DTNBP1: variants seen among roughly 807,000 people sequenced by gnomAD.
DTNBP1 encodes dysbindin.
DTNBP1 carries 35 observed loss-of-function variants against 42.8 expected under a neutral mutation model. The ratio of observed to expected loss-of-function variants is 0.82; its 90% CI spans 0.63 to 1.09. The LOEUF (loss-of-function observed/expected upper bound fraction) is 1.09. Ranked by LOEUF, DTNBP1 falls within the 50% of genes least tolerant of loss-of-function variation. The pLI is 0.00. For synonymous variants in DTNBP1, 171 were observed against 162.2 expected, an observed-to-expected ratio of 1.05 and a Z score of -0.41; for missense variants, 457 against 424.2, an observed-to-expected ratio of 1.08 and a Z score of -0.68.
At chr6:15,645,529 A>G (rs1390961058) in intron 3 of DTNBP1, among the ~76,000 whole-genome samples, 1 of 152,130 alleles carries the variant, frequency 6.6e-6, no homozygotes, top group East Asian at 1.9e-4. Context: ...CATAGACACA[A>G]AAATCCTCAA....
chr6:15,587,014 G>A lies in DTNBP1; in HGVS notation c.511+6045C>T, dbSNP rs1004027276. Reference sequence around the variant, plus strand: ...TTCTGCCCTGTTGTTTGTGGGCAACGTCATCCAAACCCCGGGCTTCCATTC... The same window carrying A: ...TTCTGCCCTGTTGTTTGTGGGCAACATCATCCAAACCCCGGGCTTCCATTC... On this transcript the variant is annotated intron_variant, in intron 7 of 9. Coordinates refer to ENST00000344537, the MANE Select transcript of DTNBP1 (RefSeq NM_032122.5). This position sits in a 1 kb window ranked among gnomAD's most constrained non-coding sequence, Gnocchi z 4.1. Among the ~76,000 whole-genome samples the A allele has an allele frequency of 1.1e-4, 16 of 152,086 alleles. No homozygotes were observed. Among genetic ancestry groups the A allele is most frequent in the African/African-American group, 2.7e-4 (11 of 41,482 alleles).
intron 1 of DTNBP1, among the ~76,000 whole-genome samples, chr6:15,655,808 T>C (rs1288060358): frequency 6.6e-6 from 1 of 152,170 alleles, no homozygotes; most frequent in African/African-American, 2.4e-5. Flanking sequence ...AGGTATTTTC[T>C]AAAATAACAT....
At position 15,627,461 on chromosome 6, in the gene DTNBP1, C is replaced by T. The variant is rs768475925; in HGVS notation, c.237G>A (p.Glu79=). The part of the protein sequence containing the change: ...CASAGELVDS[E]VVMLSAHWEK... ...CCCAGTGCGCAGAAAGCATGACCAC[C>T]TCGCTATCCACCAGCTGCAGCACAC... Residue 79 remains glutamate (E), a synonymous_variant, in exon 5 of 10, where the codon GAG becomes GAA. Coordinates refer to ENST00000344537, the MANE Select transcript of DTNBP1 (RefSeq NM_032122.5). 10 of 1,613,950 alleles carry T rather than the reference C, an allele frequency of 6.2e-6. No individual in the cohort carries two copies. The highest frequency in any genetic ancestry group is 3.3e-4 in the Middle Eastern group (2 of 6,058).
In DTNBP1 at chr6:15,633,096, A is replaced by G. The variant is rs193259008; in HGVS notation, c.222+4648T>C. 9.3e-4 allele frequency among the ~76,000 whole-genome samples: 142 copies of G among 152,366 alleles called. 1 individual carries two copies. The East Asian group carries it at 0.019, about 20-fold the overall frequency. Reference sequence around the variant, plus strand: ...GTCTACACACTGAGGCTGTATGAACAGAGTATCGACAGCTAATATGCATGG... The same window carrying G: ...GTCTACACACTGAGGCTGTATGAACGGAGTATCGACAGCTAATATGCATGG... On this transcript the variant is annotated intron_variant, in intron 4 of 9. Transcript: ENST00000344537.
intron 1 of DTNBP1, among the ~76,000 whole-genome samples, chr6:15,656,825 G>A (rs147205832): frequency 3.3e-5 from 5 of 152,254 alleles, no homozygotes; most frequent in East Asian, 1.9e-4. Flanking sequence ...GAGATCTGCC[G>A]GTGATTCAAC....
chr6:15,629,387 TA>T (rs1226659674), intron 4 of DTNBP1, among the ~76,000 whole-genome samples: 8 of 152,296 alleles, frequency 5.3e-5, no homozygotes, highest in African/African-American at 1.9e-4. Context: ...TTTTAGATAT[TA>T]AAAATTACAT....
At chr6:15,631,268 T>C (rs992974926) in intron 4 of DTNBP1, among the ~76,000 whole-genome samples, 1 of 152,334 alleles carries the variant, frequency 6.6e-6, no homozygotes, top group Admixed American at 6.5e-5. Flanking sequence ...GGCTGGGTAC[T>C]GTTTCTGCAA....
At chr6:15,618,882 A>C (rs1385173322) in intron 5 of DTNBP1, among the ~76,000 whole-genome samples, 1 of 152,254 alleles carries the variant, frequency 6.6e-6, no homozygotes, top group Non-Finnish European at 1.5e-5. Flanking sequence ...AAACGATGGA[A>C]TACTATTCAG....
intron 6 of DTNBP1, among the ~76,000 whole-genome samples, chr6:15,601,475 A>T (rs2113655475): frequency 6.6e-6 from 1 of 152,318 alleles, no homozygotes; most frequent in Admixed American, 6.5e-5. Context: ...ATCAACTAAT[A>T]AATTCTCAAA....
At chr6:15,590,077 C>T (rs1047481012) in intron 7 of DTNBP1, among the ~76,000 whole-genome samples, 1 of 152,074 alleles carries the variant, frequency 6.6e-6, no homozygotes, top group Non-Finnish European at 1.5e-5. Context: ...GGACTATAGG[C>T]GCCCACCACC....
At chr6:15,597,621 A>G (rs967095174) in intron 6 of DTNBP1, among the ~76,000 whole-genome samples, 1 of 152,200 alleles carries the variant, frequency 6.6e-6, no homozygotes, top group Non-Finnish European at 1.5e-5. Flanking sequence ...ACTAAACTCT[A>G]TCAATATTAT....
intron 8 of DTNBP1, 55 bp from the exon 9 acceptor site, chr6:15,524,724 G>T: frequency 6.3e-7 from 1 of 1,598,658 alleles, no homozygotes; most frequent in Non-Finnish European, 8.5e-7. Flanking sequence ...TACTTTAAAA[G>T]GTGAACTTCC....
At chr6:15,588,421 A>C (rs927954443) in intron 7 of DTNBP1, among the ~76,000 whole-genome samples, 1 of 152,200 alleles carries the variant, frequency 6.6e-6, no homozygotes, top group African/African-American at 2.4e-5. Context: ...ATAACCTTTG[A>C]GCTCTTTTTA....
intron 7 of DTNBP1, among the ~76,000 whole-genome samples, chr6:15,583,248 G>A (rs1775917390): frequency 6.6e-6 from 1 of 152,186 alleles, no homozygotes; most frequent in Non-Finnish European, 1.5e-5. Context: ...CTTCCAAAGT[G>A]CTGGGATTAC....
chr6:15,572,086 T>G (rs1344058305), intron 7 of DTNBP1, among the ~76,000 whole-genome samples: 1 of 152,216 alleles, frequency 6.6e-6, no homozygotes. Context: ...AAACAGGAAT[T>G]ATAATTAGCA....
chr6:15,535,312 A>C (rs1465921620), intron 7 of DTNBP1, among the ~76,000 whole-genome samples: 1 of 151,906 alleles, frequency 6.6e-6, no homozygotes, highest in Non-Finnish European at 1.5e-5. Flanking sequence ...TTTGTTTATA[A>C]ATTACCTATT....
chr6:15,584,676 C>G (rs547673399), intron 7 of DTNBP1, among the ~76,000 whole-genome samples: 9 of 146,878 alleles, frequency 6.1e-5, no homozygotes, highest in African/African-American at 2.0e-4. Flanking sequence ...AAGAGAATAA[C>G]CTTGATAGAT....
intron 3 of DTNBP1, among the ~76,000 whole-genome samples, chr6:15,648,608 A>G (rs1002581083): frequency 6.6e-6 from 1 of 151,832 alleles, no homozygotes; most frequent in African/African-American, 2.4e-5. Context: ...ACCAATAAAT[A>G]ATTCAAAAAA....
intron 7 of DTNBP1, among the ~76,000 whole-genome samples, chr6:15,558,942 GT>G (rs1416738462): frequency 6.6e-6 from 1 of 152,174 alleles, no homozygotes; most frequent in African/African-American, 2.4e-5. Flanking sequence ...CACTTTATGT[GT>G]TTTTGCTAAT....
Sources: gnomAD v4.1 joint callset for allele counts (sites outside exome capture counted in the v4.1 genomes callset) on GRCh38, gnomAD v4.1.1 for gene constraint, Gnocchi (gnomAD v3.1) non-coding constraint, MANE v1.5 for transcripts, NCBI Gene and HGNC (gene_info 2026-07-23, HGNC 2026-07-21) for gene names.